RC3H2: variants seen among roughly 807,000 people sequenced by gnomAD.
RC3H2 encodes the protein roquin-2.
A neutral mutation model predicts 133.3 loss-of-function variants in RC3H2; 31 were observed. The observed-to-expected ratio is 0.23, with a 90% CI of 0.17 to 0.31. The LOEUF is 0.31. Among genes scored for constraint, RC3H2 ranks in the 10% least tolerant of loss-of-function variants. RC3H2 has a pLI of 1.00. For missense variants in RC3H2, 1,175 were observed against 1,437.2 expected (o/e 0.82, Z 2.95); for synonymous variants, 517 against 502.2 (o/e 1.03, Z -0.40).
intron 10 of RC3H2, among the ~76,000 whole-genome samples, chr9:122,863,631 C>A (rs1360656229): frequency 1.1e-4 from 17 of 152,180 alleles, no homozygotes; most frequent in Non-Finnish European, 2.9e-5. Context: ...ATCTTGTATT[C>A]ATGTGCCAAA....
chr9:122,900,919 G>A (rs933038215), intron 1 of RC3H2, among the ~76,000 whole-genome samples: 10 of 152,068 alleles, frequency 6.6e-5, no homozygotes, highest in South Asian at 2.1e-4. Context: ...ACAATTTTTC[G>A]CTCAAATAAT....
rs1829904129 is a variant in RC3H2, at chr9:122,847,937, C to T, written c.*1690G>A. The T allele has an allele frequency of 6.6e-6, 1 of 152,098 alleles. No homozygotes were observed. The highest frequency in any genetic ancestry group is 2.1e-4 in the South Asian group (1 of 4,834). 9.4% of individuals were successfully genotyped at this position (152,098 alleles called of 1,614,324 possible). ...GGTATATTTACAACTTATCAGTCAC[C>T]TTATGAGCATGTTCATTAAGACAGG... On this transcript the variant is annotated 3_prime_UTR_variant, in exon 21 of 21. Transcript: ENST00000357244.
chr9:122,849,768 T>C lies in RC3H2; in HGVS notation c.3435A>G (p.Pro1145=), dbSNP rs370403027. 7.6e-5 allele frequency: 121 copies of C among 1,595,402 alleles called. No individual in the cohort carries two copies. Among genetic ancestry groups the C allele is most frequent in the Admixed American group, 1.4e-4 (8 of 56,748 alleles). Residue 1145 remains proline (P), a synonymous_variant, in exon 21 of 21, where the codon CCA becomes CCG. Coordinates refer to ENST00000357244, the MANE Select transcript of RC3H2 (RefSeq NM_001100588.3). ...GGCAACTTGCATTGCTAATAGACAC[T>C]GGGAGTGGCTGGCTAAAGCAAGAAG... ...PVTSCFSQPL[P]VSISNASCLP... is the part of the protein sequence containing the mutation.
In RC3H2 at chr9:122,845,005, G is replaced by C. The variant is rs938982313; in HGVS notation, c.*4622C>G. The stretch of plus-strand genomic sequence containing the variant: ...GCATTAAATCCATCTTAGAGATGGT[G>C]CCTGCTTTTTACATGATGGGTGTAC... On this transcript the variant is annotated 3_prime_UTR_variant, in exon 21 of 21. Coordinates refer to ENST00000357244, the MANE Select transcript of RC3H2 (RefSeq NM_001100588.3). The C allele has an allele frequency of 6.6e-6, 1 of 152,152 alleles. No individual in the cohort carries two copies. Among genetic ancestry groups the C allele is most frequent in the Non-Finnish European group, 1.5e-5 (1 of 68,016 alleles). 9.4% of individuals were successfully genotyped at this position (152,152 alleles called of 1,614,324 possible). A position where few individuals can be genotyped will look rare whatever the true frequency, so the allele number is the denominator to read the frequency against.
chr9:122,863,840 G>C (rs1270538591), intron 10 of RC3H2, among the ~76,000 whole-genome samples: 1 of 152,074 alleles, frequency 6.6e-6, no homozygotes, highest in Non-Finnish European at 1.5e-5. Context: ...AGGTTCAAGC[G>C]ATTCTCCTGC....
intron 2 of RC3H2, among the ~76,000 whole-genome samples, chr9:122,894,195 C>G (rs889076387): frequency 3.3e-5 from 5 of 151,456 alleles, no homozygotes; most frequent in African/African-American, 1.2e-4. Flanking sequence ...GGAGGCAGAG[C>G]TTGCAGTGAG....
intron 14 of RC3H2, 150 bp from the exon 15 acceptor site, chr9:122,855,547 C>A: frequency 1.1e-6 from 1 of 927,970 alleles, no homozygotes; most frequent in South Asian, 1.8e-5. Flanking sequence ...ACCAGTAAAC[C>A]ACCAATGTTC....
At chr9:122,878,808 G>T (rs535900195) in intron 8 of RC3H2, among the ~76,000 whole-genome samples, 72 of 151,960 alleles carry the variant, frequency 4.7e-4, no homozygotes, top group African/African-American at 1.7e-3. Context: ...GAGTGCAGTG[G>T]CGCGATCTCG....
At chr9:122,903,685 A>G (rs1358855900) in intron 1 of RC3H2, among the ~76,000 whole-genome samples, 1 of 152,200 alleles carries the variant, frequency 6.6e-6, no homozygotes, top group East Asian at 1.9e-4. Flanking sequence ...CGTAACTAGA[A>G]TATGTTTCAC....
chr9:122,905,148 G>C lies in RC3H2; in HGVS notation c.-106C>G, dbSNP rs575640902. 2.0e-6 allele frequency: 2 copies of C among 985,322 alleles called. No individual in the cohort carries two copies. Among genetic ancestry groups the C allele is most frequent in the East Asian group, 2.3e-4 (2 of 8,796 alleles). 61.0% of individuals were successfully genotyped at this position (985,322 alleles called of 1,614,324 possible). A position where few individuals can be genotyped will look rare whatever the true frequency, so the allele number is the denominator to read the frequency against. Reference sequence around the variant, plus strand: ...GGCGGGGTCGCTAAGGGCCGCTCCCGGGAGCCCCGCGACGGCGCGGCTTGG... The same window carrying C: ...GGCGGGGTCGCTAAGGGCCGCTCCCCGGAGCCCCGCGACGGCGCGGCTTGG... On this transcript the variant is annotated 5_prime_UTR_variant, in exon 1 of 21. Coordinates refer to ENST00000357244, the MANE Select transcript of RC3H2 (RefSeq NM_001100588.3).
intron 14 of RC3H2, 87 bp from the exon 15 acceptor site, chr9:122,855,484 G>T: frequency 7.7e-7 from 1 of 1,297,978 alleles, no homozygotes; most frequent in Admixed American, 1.9e-5. Flanking sequence ...ATGTAATTAG[G>T]TTTTTTGGTT....
rs1832794384 is a variant in RC3H2, at chr9:122,905,154, C to A, written c.-112G>T. ...GTCGCTAAGGGCCGCTCCCGGGAGC[C>A]CCGCGACGGCGCGGCTTGGCGACGG... On this transcript the variant is annotated 5_prime_UTR_variant, in exon 1 of 21. Transcript: ENST00000357244. 1.0e-6 allele frequency: 1 copy of A among 985,474 alleles called. No homozygotes were observed. Among genetic ancestry groups the A allele is most frequent in the Non-Finnish European group, 1.2e-6 (1 of 829,966 alleles). The allele number at this position is 985,474 out of a possible 1,614,324, so 61.0% of individuals were successfully genotyped here.
At position 122,846,620 on chromosome 9, in the gene RC3H2, C is replaced by T. The variant is rs1829873834; in HGVS notation, c.*3007G>A. ...AAAAAATGAAAGAAAATAACCACCACTTTCCTGCTTTCCAGACCTCAGACT... is the reference window on the plus strand; with the variant it reads ...AAAAAATGAAAGAAAATAACCACCATTTTCCTGCTTTCCAGACCTCAGACT... On this transcript the variant is annotated 3_prime_UTR_variant, in exon 21 of 21. Transcript: ENST00000357244. 6.6e-6 allele frequency: 1 copy of T among 152,162 alleles called. No homozygotes were observed. The highest frequency in any genetic ancestry group is 6.5e-5 in the Admixed American group (1 of 15,274). 9.4% of individuals were successfully genotyped at this position (152,162 alleles called of 1,614,324 possible).
intron 9 of RC3H2, among the ~76,000 whole-genome samples, chr9:122,871,705 GTGTT>G (rs1831109657): frequency 6.6e-6 from 1 of 151,270 alleles, no homozygotes; most frequent in Non-Finnish European, 1.5e-5. Flanking sequence ...TTTCTCCTTT[GTGTT>G]TTTTTTTCAT....
rs1367248241 is a variant in RC3H2 at position 122,845,128 on chromosome 9, C to T, written c.*4499G>A. 3 of 152,198 alleles carry T rather than the reference C, an allele frequency of 2.0e-5. No homozygotes were observed. Among genetic ancestry groups the T allele is most frequent in the Non-Finnish European group, 4.4e-5 (3 of 68,024 alleles). The allele number at this position is 152,198 out of a possible 1,614,324, so 9.4% of individuals were successfully genotyped here. The stretch of plus-strand genomic sequence containing the variant: ...AATATTCACACTAGAGCTTCACAAT[C>T]GGTTGTACAATTGACAAACAGGCCT... On this transcript the variant is annotated 3_prime_UTR_variant, in exon 21 of 21. Coordinates refer to ENST00000357244, the MANE Select transcript of RC3H2 (RefSeq NM_001100588.3).
Position 122,854,517 on chromosome 9 carries a change from A to C in RC3H2, c.2900+14T>G, listed in dbSNP as rs1162586369. The C allele has an allele frequency of 6.3e-7, 1 of 1,591,410 alleles. No homozygotes were observed. The highest frequency in any genetic ancestry group is 1.1e-5 in the South Asian group (1 of 90,558). Reference sequence around the variant, plus strand: ...TGAGAATGGAGAATCATATAGAATTAAGAAGAACGTTACCTTTCAACATAG... The same window carrying C: ...TGAGAATGGAGAATCATATAGAATTCAGAAGAACGTTACCTTTCAACATAG... On this transcript the variant is annotated intron_variant, in intron 16 of 20. Transcript: ENST00000357244.
At chr9:122,900,441 A>G (rs1337483134) in intron 1 of RC3H2, among the ~76,000 whole-genome samples, 1 of 152,132 alleles carries the variant, frequency 6.6e-6, no homozygotes. Context: ...TCAATATAAA[A>G]TTTTACCTAA....
chr9:122,871,303 CTTT>C (rs984808700), intron 9 of RC3H2, among the ~76,000 whole-genome samples: 1 of 146,568 alleles, frequency 6.8e-6, no homozygotes. Context: ...GTTGTATCTT[CTTT>C]TTTTTTTTTG....
rs1830624848 is a variant in RC3H2 at position 122,865,853 on chromosome 9, TC to T, written c.1326-197del. Among the ~76,000 whole-genome samples, 3 of 152,218 alleles carry T rather than the reference TC, an allele frequency of 2.0e-5. No individual in the cohort carries two copies. In the South Asian group the frequency reaches 6.2e-4, roughly 31 times the overall value. ...TGCCACATGAAAATATATATGCCAT[TC>T]ACATATAATATACATGTAATTAATA... On this transcript the variant is annotated intron_variant, in intron 9 of 20. Coordinates refer to ENST00000357244, the MANE Select transcript of RC3H2 (RefSeq NM_001100588.3).
Sources: gnomAD v4.1 joint callset for allele counts (sites outside exome capture counted in the v4.1 genomes callset) on GRCh38, gnomAD v4.1.1 for gene constraint, MANE v1.5 for transcripts, NCBI Gene and HGNC (gene_info 2026-07-23, HGNC 2026-07-21) for gene names.